Variants in PCBP3 observed in about 807,000 individuals in gnomAD.
PCBP3 encodes the protein poly(rC)-binding protein 3.
A neutral mutation model predicts 52.7 loss-of-function variants in PCBP3; 25 were observed. The observed-to-expected ratio is 0.47, with a 90% CI of 0.35 to 0.66. PCBP3 has a LOEUF of 0.66. Ranked by LOEUF, PCBP3 falls within the 30% of genes least tolerant of loss-of-function variation. PCBP3 has a pLI of 0.01. For missense variants in PCBP3, 391 were observed against 490.3 expected (o/e 0.80, Z 1.91); for synonymous variants, 162 against 183.0 (o/e 0.89, Z 0.93).
At chr21:45,667,071 GTTTGTTCTTTCT>G (rs2080847525) in intron 1 of PCBP3, among the ~76,000 whole-genome samples, 1 of 69,832 alleles carries the variant, frequency 1.4e-5, no homozygotes, top group Admixed American at 1.6e-4. Context: ...TTATGCATCT[GTTTGTTCTTTCT>G]TTCTTTCTTT....
intron 4 of PCBP3, among the ~76,000 whole-genome samples, chr21:45,789,762 A>G (rs1341470615): frequency 1.3e-5 from 2 of 152,152 alleles, no homozygotes; most frequent in South Asian, 2.1e-4. Flanking sequence ...CAGAGGTGGG[A>G]CATGCCAGTG....
chr21:45,815,501 GAGTGGTGA>G (rs1320569700), intron 4 of PCBP3, among the ~76,000 whole-genome samples: 1 of 109,144 alleles, frequency 9.2e-6, no homozygotes. Context: ...AGTGATGAGT[GAGTGGTGA>G]GTGAGTGGTG....
chr21:45,868,371 C>T (rs1443518741), intron 5 of PCBP3, among the ~76,000 whole-genome samples: 1 of 151,476 alleles, frequency 6.6e-6, no homozygotes, highest in Non-Finnish European at 1.5e-5. Context: ...CGAATCTCAG[C>T]CTGAACAGCT....
intron 4 of PCBP3, chr21:45,828,387 C>G (rs2093360333): frequency 6.6e-6 from 1 of 152,264 alleles, no homozygotes. Flanking sequence ...GATCTGCCCC[C>G]TCGTGCTCTG....
At position 45,755,846 on chromosome 21, in the gene PCBP3, T is replaced by C. The variant is rs1314130403; in HGVS notation, c.-126+394T>C. On this transcript the variant is annotated intron_variant, in intron 4 of 17. Coordinates refer to ENST00000681687, the MANE Select transcript of PCBP3 (RefSeq NM_001384156.1). ...ATGAATACCAGTCATTTATCAGATA[T>C]GTATTTTTCAAATGTTTTCTCCTAA... 3.3e-5 allele frequency among the ~76,000 whole-genome samples: 5 copies of C among 152,236 alleles called. No individual in the cohort carries two copies. The East Asian group carries it at 7.7e-4, about 23-fold the overall frequency.
intron 1 of PCBP3, among the ~76,000 whole-genome samples, chr21:45,660,581 A>G (rs559370746): frequency 1.3e-5 from 2 of 152,000 alleles, no homozygotes; most frequent in Non-Finnish European, 2.9e-5. Context: ...ATTTTCATTT[A>G]TTTTACTATT....
intron 2 of PCBP3, among the ~76,000 whole-genome samples, chr21:45,734,977 G>A (rs895598263): frequency 6.6e-6 from 1 of 152,208 alleles, no homozygotes; most frequent in Non-Finnish European, 1.5e-5. Flanking sequence ...TCCAGGTGAA[G>A]GCCCTTCAGG....
At chr21:45,766,786 C>T (rs1051397468) in intron 4 of PCBP3, among the ~76,000 whole-genome samples, 1 of 152,328 alleles carries the variant, frequency 6.6e-6, no homozygotes, top group African/African-American at 2.4e-5. Flanking sequence ...TCTGCCTATC[C>T]TGAGAGTCTC....
At chr21:45,939,749 C>T (rs957511592) in intron 16 of PCBP3, among the ~76,000 whole-genome samples, 5 of 152,214 alleles carry the variant, frequency 3.3e-5, no homozygotes, top group African/African-American at 1.2e-4. Context: ...GACTGTGCCT[C>T]TTGGCTGGGT....
intron 5 of PCBP3, among the ~76,000 whole-genome samples, chr21:45,895,244 C>T (rs1174505636): frequency 6.6e-6 from 1 of 152,192 alleles, no homozygotes; most frequent in Non-Finnish European, 1.5e-5. Flanking sequence ...GAGAAAAAAG[C>T]CCTCTGCCCT....
intron 5 of PCBP3, among the ~76,000 whole-genome samples, chr21:45,854,792 G>A (rs1208028950): frequency 3.9e-5 from 6 of 152,240 alleles, no homozygotes; most frequent in African/African-American, 1.4e-4. Context: ...AGGAGAAGAT[G>A]CTCTTTGATG....
chr21:45,864,525 A>G (rs1003389308), intron 5 of PCBP3, among the ~76,000 whole-genome samples: 1 of 152,244 alleles, frequency 6.6e-6, no homozygotes, highest in African/African-American at 2.4e-5. Context: ...TTGTAAATGA[A>G]CTAAAGTGTT....
intron 13 of PCBP3, chr21:45,919,020 A>C (rs2074011534): frequency 6.5e-6 from 1 of 152,814 alleles, no homozygotes; most frequent in Non-Finnish European, 1.5e-5. Flanking sequence ...AAGAGATAAA[A>C]GGTGCAAACT....
At position 45,880,547 on chromosome 21, in the gene PCBP3, A is replaced by G. The variant is rs906757032; in HGVS notation, c.11-15661A>G. 1.1e-4 allele frequency among the ~76,000 whole-genome samples: 17 copies of G among 152,240 alleles called. No homozygotes were observed. The highest frequency in any genetic ancestry group is 4.1e-4 in the African/African-American group (17 of 41,454). ...AGGCCGTGGAAATTGAGCTGGGCTC[A>G]GTGCTCATGGTGTGAATCTGTCTAA... On this transcript the variant is annotated intron_variant, in intron 5 of 17. Transcript: ENST00000681687. The surrounding 1 kb of genome is among the most constrained non-coding windows in gnomAD (Gnocchi z 5.4).
intron 4 of PCBP3, among the ~76,000 whole-genome samples, chr21:45,798,303 T>TGTAGAG (rs2092107497): frequency 7.0e-6 from 1 of 143,500 alleles, no homozygotes; most frequent in African/African-American, 2.6e-5. Context: ...CATGGATCCA[T>TGTAGAG]AGAGTGAATG....
At chr21:45,722,739 C>T (rs180920849) in intron 2 of PCBP3, among the ~76,000 whole-genome samples, 105 of 152,044 alleles carry the variant, frequency 6.9e-4, no homozygotes, top group African/African-American at 1.9e-3. Flanking sequence ...CAGTGGCTCA[C>T]GTCTGTAATC....
chr21:45,755,300 A>G (rs2087926763), intron 3 of PCBP3, among the ~76,000 whole-genome samples, 117 bp from the exon 4 acceptor site: 1 of 152,236 alleles, frequency 6.6e-6, no homozygotes. Context: ...CAATTTGTAC[A>G]TCCATTCACC....
intron 4 of PCBP3, among the ~76,000 whole-genome samples, chr21:45,846,429 GT>G (rs35953101): frequency 0.062 from 8,842 of 142,252 alleles, 284 homozygotes; most frequent in Non-Finnish European, 0.084. Context: ...TTTTTTGTTT[GT>G]TTTTTTTTTT....
intron 5 of PCBP3, among the ~76,000 whole-genome samples, chr21:45,852,655 C>G (rs967701218): frequency 2.6e-5 from 4 of 151,458 alleles, no homozygotes; most frequent in African/African-American, 9.7e-5. Flanking sequence ...GGAACACAGC[C>G]CTGCAGCCAT....
Sources: allele counts gnomAD v4.1 joint callset (sites outside exome capture counted in the v4.1 genomes callset), GRCh38; gene constraint gnomAD v4.1.1; non-coding constraint Gnocchi (gnomAD v3.1); transcripts MANE v1.5; gene names NCBI Gene and HGNC (gene_info 2026-07-23, HGNC 2026-07-21).